Variants in NPSR1 observed in about 807,000 individuals in gnomAD.
NPSR1 encodes the protein neuropeptide S receptor.
Under a neutral mutation model 46.9 loss-of-function variants are expected in NPSR1, and 48 were observed. The observed-to-expected ratio is 1.02, with a 90% CI of 0.81 to 1.30. NPSR1 has a LOEUF of 1.30. Among genes scored for constraint, NPSR1 ranks in the 50% most tolerant of loss-of-function variants. NPSR1 has a pLI of 0.00. For missense variants in NPSR1, 450 were observed against 449.5 expected (o/e 1.00, Z -0.01); for synonymous variants, 176 against 168.1 (o/e 1.05, Z -0.36).
chr7:34,874,561 G>T (rs919047380), intron 8 of NPSR1, among the ~76,000 whole-genome samples: 26 of 152,160 alleles, frequency 1.7e-4, no homozygotes, highest in Non-Finnish European at 3.2e-4. Context: ...ATTATTTCAT[G>T]GGATGTTCAA....
At chr7:34,715,523 T>TC (rs1454549218) in intron 2 of NPSR1, among the ~76,000 whole-genome samples, 1 of 152,088 alleles carries the variant, frequency 6.6e-6, no homozygotes, top group Non-Finnish European at 1.5e-5. Flanking sequence ...ATGGATGGGG[T>TC]CATGTGATGT....
At chr7:34,852,317 GAGAA>G (rs1237340342), downstream of NPSR1, among the ~76,000 whole-genome samples, 16 of 151,806 alleles carry the variant, frequency 1.1e-4, no homozygotes, top group Non-Finnish European at 2.2e-4. Context: ...GAGAGAAAGA[GAGAA>G]AGAGAGAGAG....
rs1289349543 is a variant in NPSR1 at position 34,726,270 on chromosome 7, CAT to C, written c.280+41589_280+41590del. 1.9e-4 allele frequency among the ~76,000 whole-genome samples: 29 copies of C among 152,278 alleles called. 1 individual carries two copies. Among genetic ancestry groups the C allele is most frequent in the Non-Finnish European group, 4.4e-5 (3 of 68,014 alleles). ...GAACATATGAAAAGATGCTCCACATCATATGTCATCAGGGAATGCAAATTAAA... is the reference window on the plus strand; with the variant it reads ...GAACATATGAAAAGATGCTCCACATCATGTCATCAGGGAATGCAAATTAAA... On this transcript the variant is annotated intron_variant, in intron 2 of 8. Transcript: ENST00000360581.
At chr7:34,719,750 C>T (rs991247054) in intron 2 of NPSR1, 1 of 152,124 alleles carries the variant, frequency 6.6e-6, no homozygotes, top group Non-Finnish European at 1.5e-5. Flanking sequence ...GATGGACTTC[C>T]AGTTCGAGAC....
intron 1 of NPSR1, among the ~76,000 whole-genome samples, chr7:34,666,621 GA>G (rs927512353): frequency 2.0e-5 from 3 of 151,694 alleles, no homozygotes; most frequent in African/African-American, 4.8e-5. Context: ...CTTATTATAT[GA>G]AAAAAAATAA....
At chr7:34,802,187 A>C (rs563213575) in intron 3 of NPSR1, among the ~76,000 whole-genome samples, 4 of 150,552 alleles carry the variant, frequency 2.7e-5, no homozygotes, top group Non-Finnish European at 5.9e-5. Flanking sequence ...GCTACAAATG[A>C]CTTTCTTCAC....
chr7:34,698,558 T>C lies in NPSR1; in HGVS notation c.280+13874T>C, dbSNP rs1793653538. 1.3e-5 allele frequency among the ~76,000 whole-genome samples: 2 copies of C among 152,166 alleles called. 1 individual carries two copies. The highest frequency in any genetic ancestry group is 4.1e-4 in the South Asian group (2 of 4,828). ...AACAAATCACACATGCAGGCCAGATTTGACCCAAGGGTGACTTTCTTACAA... is the reference window on the plus strand; with the variant it reads ...AACAAATCACACATGCAGGCCAGATCTGACCCAAGGGTGACTTTCTTACAA... On this transcript the variant is annotated intron_variant, in intron 2 of 8. Transcript: ENST00000360581.
chr7:34,831,962 C>T lies in NPSR1; in HGVS notation c.681-2422C>T, dbSNP rs528223106. Among the ~76,000 whole-genome samples, 8 of 152,232 alleles carry T rather than the reference C, an allele frequency of 5.3e-5. No homozygotes were observed. In the South Asian group the frequency reaches 1.7e-3, roughly 32 times the overall value. On this transcript the variant is annotated intron_variant, in intron 5 of 8. Transcript: ENST00000360581. Reference sequence around the variant, plus strand: ...GATCACATTGTGGGAAAGCCCCATGCCAGGTTGGTGCAGCCCTGTGGATAG... The same window carrying T: ...GATCACATTGTGGGAAAGCCCCATGTCAGGTTGGTGCAGCCCTGTGGATAG...
At chr7:34,727,935 G>A (rs1784242767) in intron 2 of NPSR1, among the ~76,000 whole-genome samples, 1 of 151,764 alleles carries the variant, frequency 6.6e-6, no homozygotes, top group African/African-American at 2.4e-5. Flanking sequence ...AAAAATCCCT[G>A]ATGATAGGAA....
intron 3 of NPSR1, among the ~76,000 whole-genome samples, chr7:34,788,214 A>G (rs1189510034): frequency 6.6e-6 from 1 of 152,050 alleles, no homozygotes; most frequent in African/African-American, 2.4e-5. Context: ...TCGTTATAAG[A>G]CATTCCTTTG....
chr7:34,714,652 A>G (rs2128704150), intron 2 of NPSR1, among the ~76,000 whole-genome samples: 1 of 152,264 alleles, frequency 6.6e-6, no homozygotes, highest in South Asian at 2.1e-4. Flanking sequence ...CTGGACTGTG[A>G]GCTCCAAGCT....
rs554204520 is a variant in NPSR1 at position 34,686,713 on chromosome 7, C to G, written c.280+2029C>G. ...TTTTTGCGGTTGTTTCATGCTGTCC[C>G]TAACGAGGCACTCAAAGCACCCTCC... On this transcript the variant is annotated intron_variant, in intron 2 of 8. Coordinates refer to ENST00000360581, the MANE Select transcript of NPSR1 (RefSeq NM_207172.2). Among the ~76,000 whole-genome samples, 258 of 152,124 alleles carry G rather than the reference C, an allele frequency of 1.7e-3. 1 individual carries two copies. The highest frequency in any genetic ancestry group is 2.9e-3 in the Non-Finnish European group (197 of 67,992).
In NPSR1 at chr7:34,739,980, C is replaced by T. The variant is rs146150084; in HGVS notation, c.281-38482C>T. On this transcript the variant is annotated intron_variant, in intron 2 of 8. Coordinates refer to ENST00000360581, the MANE Select transcript of NPSR1 (RefSeq NM_207172.2). ...GCCCTAGAACACCCATAAGTATACGCCGTTTGTCTTCAGCTAGCAGGGTGA... is the reference window on the plus strand; with the variant it reads ...GCCCTAGAACACCCATAAGTATACGTCGTTTGTCTTCAGCTAGCAGGGTGA... 1.4e-4 allele frequency among the ~76,000 whole-genome samples: 22 copies of T among 152,204 alleles called. No individual in the cohort carries two copies. The East Asian group carries it at 3.5e-3, about 24-fold the overall frequency.
intron 1 of NPSR1, among the ~76,000 whole-genome samples, chr7:34,671,744 A>G (rs1195297888): frequency 2.0e-5 from 3 of 151,952 alleles, no homozygotes; most frequent in Non-Finnish European, 2.9e-5. Context: ...CCCCTCCCCT[A>G]CTGTTCTCAT....
Position 34,792,689 on chromosome 7 carries a change from G to GTATATATATATT in NPSR1, c.384+14134_384+14135insTTTATATATATA, listed in dbSNP as rs1489386225. 2.3e-3 allele frequency among the ~76,000 whole-genome samples: 172 copies of GTATATATATATT among 74,230 alleles called. 6 individuals carry two copies. The highest frequency in any genetic ancestry group is 5.2e-3 in the South Asian group (14 of 2,718). The allele number at this position is 74,230 out of a possible 152,430, so 48.7% of individuals were successfully genotyped here. A position where few individuals can be genotyped will look rare whatever the true frequency, so the allele number is the denominator to read the frequency against. Reference sequence around the variant, plus strand: ...TTTATATATATGTATATATATATATGTATATATATACGTATATATATATAT... The same window carrying GTATATATATATT: ...TTTATATATATGTATATATATATATGTATATATATATTTATATATATACGTATATATATATAT... On this transcript the variant is annotated intron_variant, in intron 3 of 8. Coordinates refer to ENST00000360581, the MANE Select transcript of NPSR1 (RefSeq NM_207172.2).
chr7:34,669,716 C>A (rs761077090), intron 1 of NPSR1, among the ~76,000 whole-genome samples: 4 of 152,090 alleles, frequency 2.6e-5, no homozygotes, highest in Non-Finnish European at 5.9e-5. Flanking sequence ...ATGTGTTTTC[C>A]TGAAAGAGCC....
intron 2 of NPSR1, chr7:34,719,544 A>G (rs1783746819): frequency 6.6e-6 from 1 of 152,238 alleles, no homozygotes; most frequent in African/African-American, 2.4e-5. Flanking sequence ...TGCTGTCTCT[A>G]TGCACTGCTA....
chr7:34,727,975 A>T (rs1315893021), intron 2 of NPSR1, among the ~76,000 whole-genome samples: 1 of 151,890 alleles, frequency 6.6e-6, no homozygotes, highest in Non-Finnish European at 1.5e-5. Flanking sequence ...TAAAAAAAAA[A>T]CCTGAGGCTT....
chr7:34,769,879 T>C (rs923673516), intron 2 of NPSR1, among the ~76,000 whole-genome samples: 3 of 152,226 alleles, frequency 2.0e-5, no homozygotes, highest in Non-Finnish European at 4.4e-5. Flanking sequence ...ATGGAGGTGA[T>C]TAAGCCTTTA....
Sources: allele counts gnomAD v4.1 joint callset (sites outside exome capture counted in the v4.1 genomes callset), GRCh38; gene constraint gnomAD v4.1.1; transcripts MANE v1.5; gene names NCBI Gene and HGNC (gene_info 2026-07-23, HGNC 2026-07-21).